Variants in STAMBPL1 observed in about 807,000 individuals in gnomAD.
STAMBPL1 encodes the protein STAM binding protein like 1, also known as AMSH-like protease.
Under a neutral mutation model 52.9 loss-of-function variants are expected in STAMBPL1, and 44 were observed. That is an observed-to-expected ratio of 0.83 (90% confidence interval 0.65 to 1.07). STAMBPL1 has a LOEUF of 1.07. STAMBPL1 is among the 50% of genes least tolerant of loss of function. The pLI is 0.00. For missense variants in STAMBPL1, 511 were observed against 520.8 expected, an observed-to-expected ratio of 0.98 and a Z score of 0.18; for synonymous variants, 164 against 177.3, an observed-to-expected ratio of 0.92 and a Z score of 0.60.
intron 1 of STAMBPL1, among the ~76,000 whole-genome samples, chr10:88,891,019 G>A (rs1173934796): frequency 6.6e-6 from 1 of 152,192 alleles, no homozygotes; most frequent in Non-Finnish European, 1.5e-5. Context: ...TGGGAATTAA[G>A]TAAGTTAAGT....
At chr10:88,916,555 G>T in intron 7 of STAMBPL1, 125 bp from the exon 8 acceptor site, 6 of 552,132 alleles carry the variant, frequency 1.1e-5, no homozygotes, top group Non-Finnish European at 1.5e-5. Flanking sequence ...TGATGTAAGT[G>T]GTCCCTGTAC....
rs1845411125 is a variant in STAMBPL1, at chr10:88,917,959, G to A, written c.1041+1142G>A. Among the ~76,000 whole-genome samples the A allele has an allele frequency of 2.6e-5, 4 of 152,154 alleles. No homozygotes were observed. The South Asian group carries it at 8.3e-4, about 31-fold the overall frequency. On this transcript the variant is annotated intron_variant, in intron 8 of 10. Transcript: ENST00000371926. ...CACAGGGTGGAAGGCAGAAGGGCAAGAGAGCACTCCCTTCAACCTTGAGCC... is the reference window on the plus strand; with the variant it reads ...CACAGGGTGGAAGGCAGAAGGGCAAAAGAGCACTCCCTTCAACCTTGAGCC...
At chr10:88,890,854 A>G (rs1844663471) in intron 1 of STAMBPL1, among the ~76,000 whole-genome samples, 1 of 152,336 alleles carries the variant, frequency 6.6e-6, no homozygotes, top group African/African-American at 2.4e-5. Flanking sequence ...CAGTTTGGAC[A>G]AGGGTTTCCT....
chr10:88,908,384 C>T (rs909173781), intron 3 of STAMBPL1, among the ~76,000 whole-genome samples: 5 of 152,170 alleles, frequency 3.3e-5, no homozygotes, highest in Non-Finnish European at 5.9e-5. Flanking sequence ...CTGTTGCCAG[C>T]AGTATGCTAA....
rs912575880 is a variant in STAMBPL1 at position 88,910,858 on chromosome 10, G to C, written c.325-58G>C. On this transcript the variant is annotated intron_variant, in intron 4 of 10. Transcript: ENST00000371926. ...CAGCTGTTTTTCTTTCTCACCTGAT[G>C]ATCTGAAAGAGTGTATTGAAAATCC... 1.7e-5 allele frequency: 21 copies of C among 1,249,824 alleles called. No individual in the cohort carries two copies. The African/African-American group carries it at 3.3e-4, about 20-fold the overall frequency. The allele number at this position is 1,249,824 out of a possible 1,614,324, so 77.4% of individuals were successfully genotyped here. A position where few individuals can be genotyped will look rare whatever the true frequency, so the allele number is the denominator to read the frequency against.
At chr10:88,901,510 T>G in intron 1 of STAMBPL1, 146 bp from the exon 2 acceptor site, 1 of 414,322 alleles carries the variant, frequency 2.4e-6, no homozygotes, top group Non-Finnish European at 4.3e-6. Context: ...AGGAAGAGAT[T>G]TCCAACAGTC....
Position 88,910,941 on chromosome 10 carries a change from G to A in STAMBPL1, c.350G>A (p.Arg117Lys), listed in dbSNP as rs760576374. 5 of 1,596,176 alleles carry A rather than the reference G, an allele frequency of 3.1e-6. No homozygotes were observed. The South Asian group carries it at 4.7e-5, about 15-fold the overall frequency. The change falls in exon 5 of 11, where the codon AGG becomes AAG. Residue 117 changes from arginine to lysine, a missense_variant. Arg to Lys is a conservative substitution (Grantham distance 26). Coordinates refer to ENST00000371926, the MANE Select transcript of STAMBPL1 (RefSeq NM_020799.4). ...AAACTGAAGGAGATTGCATTCCCAA[G>A]GACAGATGAATTGAAAAACGACCTT... ...MKKLKEIAFP[R>K]TDELKNDLLK... is the part of the protein sequence containing the mutation.
chr10:88,909,381 A>G (rs1845158577), intron 4 of STAMBPL1, among the ~76,000 whole-genome samples: 1 of 152,146 alleles, frequency 6.6e-6, no homozygotes, highest in Non-Finnish European at 1.5e-5. Context: ...TTAAATAAAC[A>G]TTTACAATGT....
At chr10:88,884,169 A>G (rs1433159415) in intron 1 of STAMBPL1, among the ~76,000 whole-genome samples, 3 of 152,258 alleles carry the variant, frequency 2.0e-5, no homozygotes, top group African/African-American at 7.2e-5. Flanking sequence ...AGATAAATAC[A>G]TAAAAGTAAA....
chr10:88,900,405 C>A (rs1844915833), intron 1 of STAMBPL1, among the ~76,000 whole-genome samples: 1 of 152,132 alleles, frequency 6.6e-6, no homozygotes, highest in African/African-American at 2.4e-5. Context: ...CCTAAACTAG[C>A]ATAAAAAGGA....
At chr10:88,895,770 C>G (rs1844796093) in intron 1 of STAMBPL1, among the ~76,000 whole-genome samples, 1 of 152,200 alleles carries the variant, frequency 6.6e-6, no homozygotes, top group South Asian at 2.1e-4. Context: ...GCCCCCAAAC[C>G]TGAGCTCTTC....
At chr10:88,894,687 A>AT (rs1006995016) in intron 1 of STAMBPL1, among the ~76,000 whole-genome samples, 3 of 152,280 alleles carry the variant, frequency 2.0e-5, no homozygotes, top group South Asian at 2.1e-4. Flanking sequence ...CTTTTAAGTG[A>AT]TTTTTTTCTA....
intron 1 of STAMBPL1, among the ~76,000 whole-genome samples, chr10:88,884,505 C>G (rs1048746907): frequency 6.6e-6 from 1 of 152,136 alleles, no homozygotes; most frequent in African/African-American, 2.4e-5. Context: ...AATCCAGTGT[C>G]TGATGATGAC....
rs17850686 is a variant in STAMBPL1, at chr10:88,913,430, G to A, written c.750G>A (p.Thr250=). 6.3e-3 allele frequency: 10,184 copies of A among 1,613,066 alleles called. 25 individuals carry two copies. Among genetic ancestry groups the A allele is most frequent in the Non-Finnish European group, 7.8e-3 (9,206 of 1,179,482 alleles). The stretch of plus-strand genomic sequence containing the variant: ...CTCCTCCTGTAAACAGGGCCTTAAC[G>A]CCAGCTGCTACTCTAAGTGCTGTTC... ...SHSPPVNRAL[T]PAATLSAVQN... is the part of the protein sequence containing the mutation. The change falls in exon 6 of 11, where the codon ACG becomes ACA. Residue 250 remains threonine, a synonymous_variant. Coordinates refer to ENST00000371926, the MANE Select transcript of STAMBPL1 (RefSeq NM_020799.4).
chr10:88,921,748 CAAT>C (rs1481816412), intron 9 of STAMBPL1, among the ~76,000 whole-genome samples: 1 of 152,066 alleles, frequency 6.6e-6, no homozygotes, highest in Non-Finnish European at 1.5e-5. Context: ...CTTTGGGGAA[CAAT>C]GATTATTGTA....
intron 1 of STAMBPL1, chr10:88,882,940 A>G (rs1844441823): frequency 6.6e-6 from 1 of 151,956 alleles, no homozygotes; most frequent in East Asian, 1.9e-4. Flanking sequence ...TACATGTGCC[A>G]TGTTGGTGTG....
intron 6 of STAMBPL1, 67 bp from the exon 7 acceptor site, chr10:88,914,467 A>G (rs1438122671): frequency 6.2e-6 from 8 of 1,291,664 alleles, no homozygotes; most frequent in African/African-American, 6.1e-5. Context: ...CTGTTTGCCA[A>G]TAACAATTTT....
chr10:88,902,208 A>G (rs1018035077), intron 2 of STAMBPL1, among the ~76,000 whole-genome samples: 14 of 152,208 alleles, frequency 9.2e-5, no homozygotes, highest in Non-Finnish European at 2.9e-5. Context: ...CTCACTGCCC[A>G]GCACTGTGCA....
intron 3 of STAMBPL1, among the ~76,000 whole-genome samples, chr10:88,906,351 C>T (rs1346745849): frequency 1.3e-5 from 2 of 152,124 alleles, no homozygotes; most frequent in African/African-American, 2.4e-5. Flanking sequence ...AATGGGACTT[C>T]GTCTTTCCTT....
Sources: gnomAD v4.1 joint callset for allele counts (sites outside exome capture counted in the v4.1 genomes callset) on GRCh38, gnomAD v4.1.1 for gene constraint, MANE v1.5 for transcripts, NCBI Gene and HGNC (gene_info 2026-07-23, HGNC 2026-07-21) for gene names.